ARHGAP25: variants seen among roughly 807,000 people sequenced by gnomAD.
The protein encoded by ARHGAP25 is rho GTPase-activating protein 25.
A neutral mutation model predicts 71.0 loss-of-function variants in ARHGAP25; 34 were observed. That is an observed-to-expected ratio of 0.48 (90% CI 0.36 to 0.64). The LOEUF (loss-of-function observed/expected upper bound fraction) is 0.64. Among genes scored for constraint, ARHGAP25 ranks in the 30% least tolerant of loss-of-function variants. The probability of loss-of-function intolerance (pLI) is 0.00; values close to 1 mark genes in which losing one functional copy is unlikely to be tolerated. For missense variants in ARHGAP25, 706 were observed against 805.1 expected, an observed-to-expected ratio of 0.88 and a Z score of 1.49; for synonymous variants, 282 against 296.5, an observed-to-expected ratio of 0.95 and a Z score of 0.50.
At position 68,822,678 on chromosome 2, in the gene ARHGAP25, T is replaced by G. The variant is rs1156641434; in HGVS notation, c.1539T>G (p.Pro513=). The change falls in exon 10 of 11, where the codon CCT becomes CCG. Residue 513 remains proline, a synonymous_variant. Transcript: ENST00000409202. ...ACGTCCCTTCCCTGCCAGGGTCCCC[T>G]GGGGAGGAAGCCAGTGCACTCTCTT... is the stretch of plus-strand genomic sequence containing the variant. ...YDNVPSLPGS[P]GEEASALSSQ... is the part of the protein sequence containing the mutation. 1.9e-6 allele frequency: 3 copies of G among 1,614,070 alleles called. No homozygotes were observed. The highest frequency in any genetic ancestry group is 1.7e-5 in the Admixed American group (1 of 60,024).
At chr2:68,821,935 G>A in intron 9 of ARHGAP25, among the ~76,000 whole-genome samples, 1 of 95,310 alleles carries the variant, frequency 1.0e-5, no homozygotes. Context: ...TTTTGGTTTG[G>A]CATGTGGTGA....
In ARHGAP25 at chr2:68,718,024, T is replaced by C. The variant is rs554064535; in HGVS notation, c.-18+7326T>C. Among the ~76,000 whole-genome samples, 6 of 152,272 alleles carry C rather than the reference T, an allele frequency of 3.9e-5. No individual in the cohort carries two copies. In the South Asian group the frequency reaches 1.0e-3, roughly 26 times the overall value. Reference sequence around the variant, plus strand: ...TTAGCTGGGCAACAGATAATTCACTTGGTGGGAGTAGAAGTAAATGGTGTA... The same window carrying C: ...TTAGCTGGGCAACAGATAATTCACTCGGTGGGAGTAGAAGTAAATGGTGTA... On this transcript the variant is annotated intron_variant and NMD_transcript_variant, in intron 2 of 7. Coordinates refer to the ARHGAP25 transcript ENST00000463483.
chr2:68,774,965 G>T, intron 1 of ARHGAP25: 1 of 1,425,760 alleles, frequency 7.0e-7, no homozygotes, highest in Non-Finnish European at 9.1e-7. Context: ...CCGCGGTGCC[G>T]GACTGCCTGT....
chr2:68,757,002 G>A (rs1382037467), intron 1 of ARHGAP25, among the ~76,000 whole-genome samples: 1 of 152,094 alleles, frequency 6.6e-6, no homozygotes, highest in African/African-American at 2.4e-5. Context: ...AAATGCGGGA[G>A]CTGAAAAGTA....
rs551149704 is a variant in ARHGAP25, at chr2:68,803,360, C to T, written c.467-3913C>T. On this transcript the variant is annotated intron_variant, in intron 4 of 10. Transcript: ENST00000409202. ...GTGTGGAATGAACATTAGGAGAGCACTAGAAATCTTAGTGAGCAGATTTAG... is the reference window on the plus strand; with the variant it reads ...GTGTGGAATGAACATTAGGAGAGCATTAGAAATCTTAGTGAGCAGATTTAG... 4.6e-5 allele frequency among the ~76,000 whole-genome samples: 7 copies of T among 152,246 alleles called. No homozygotes were observed. In the South Asian group the frequency reaches 1.2e-3, roughly 27 times the overall value.
intron 10 of ARHGAP25, among the ~76,000 whole-genome samples, chr2:68,824,186 C>A (rs1352913380): frequency 6.6e-6 from 1 of 152,208 alleles, no homozygotes; most frequent in African/African-American, 2.4e-5. Flanking sequence ...GTGATCAAAG[C>A]AGTCCCATAG....
chr2:68,726,395 G>T (rs534906687), intron 2 of ARHGAP25, among the ~76,000 whole-genome samples: 4 of 152,214 alleles, frequency 2.6e-5, no homozygotes, highest in South Asian at 2.1e-4. Context: ...GAGGTGTTAC[G>T]TGAGGGACAT....
chr2:68,807,139 T>C (rs1337003504), intron 4 of ARHGAP25, 134 bp from the exon 5 acceptor site: 2 of 782,780 alleles, frequency 2.6e-6, no homozygotes, highest in Non-Finnish European at 4.3e-6. Context: ...ATATTCTGAG[T>C]GATTTATCTC....
chr2:68,722,051 C>T (rs1233019531), intron 2 of ARHGAP25, among the ~76,000 whole-genome samples: 1 of 152,214 alleles, frequency 6.6e-6, no homozygotes, highest in African/African-American at 2.4e-5. Flanking sequence ...CTCAGCACCT[C>T]AGCATGCAGT....
At chr2:68,726,378 C>A (rs1229404177) in intron 2 of ARHGAP25, among the ~76,000 whole-genome samples, 1 of 152,200 alleles carries the variant, frequency 6.6e-6, no homozygotes, top group Admixed American at 6.5e-5. Context: ...AGAACAATGG[C>A]CAAAAGGAGG....
intron 2 of ARHGAP25, among the ~76,000 whole-genome samples, chr2:68,720,410 ACTT>A (rs1040559760): frequency 2.0e-4 from 30 of 152,172 alleles, no homozygotes; most frequent in African/African-American, 6.3e-4. Flanking sequence ...ACAGAGATTA[ACTT>A]CTTCTTAATT....
At chr2:68,782,146 C>T in intron 2 of ARHGAP25, 87 bp from the exon 3 acceptor site, 1 of 1,173,732 alleles carries the variant, frequency 8.5e-7, no homozygotes, top group Non-Finnish European at 1.3e-6. Flanking sequence ...CCTCCCCATC[C>T]CATCATTATC....
At chr2:68,738,264 G>A (rs1486490266) in intron 1 of ARHGAP25, among the ~76,000 whole-genome samples, 1 of 152,120 alleles carries the variant, frequency 6.6e-6, no homozygotes, top group African/African-American at 2.4e-5. Context: ...CAGACTTTCT[G>A]GACCTCCAGC....
chr2:68,719,454 C>A (rs563015963), intron 2 of ARHGAP25, among the ~76,000 whole-genome samples: 41 of 151,196 alleles, frequency 2.7e-4, no homozygotes, highest in African/African-American at 8.7e-4. Context: ...GAAAAAAAAC[C>A]CCACAAAACA....
At chr2:68,757,470 G>C (rs1192444803) in intron 1 of ARHGAP25, among the ~76,000 whole-genome samples, 1 of 152,184 alleles carries the variant, frequency 6.6e-6, no homozygotes, top group Non-Finnish European at 1.5e-5. Flanking sequence ...TTTATCGTCA[G>C]AAACTTTGAA....
chr2:68,715,403 C>A (rs901085260), intron 2 of ARHGAP25, among the ~76,000 whole-genome samples: 13 of 151,722 alleles, frequency 8.6e-5, no homozygotes, highest in African/African-American at 2.2e-4. Flanking sequence ...AACACCACCA[C>A]CAACAACAAC....
chr2:68,811,350 G>A (rs1175819739), intron 5 of ARHGAP25, among the ~76,000 whole-genome samples: 4 of 152,198 alleles, frequency 2.6e-5, no homozygotes, highest in Non-Finnish European at 5.9e-5. Flanking sequence ...GGGACTTTAG[G>A]AAGATGCAAC....
chr2:68,746,558 C>T (rs957472490), intron 1 of ARHGAP25, among the ~76,000 whole-genome samples: 4 of 152,140 alleles, frequency 2.6e-5, no homozygotes, highest in African/African-American at 4.8e-5. Context: ...TTTCTGCAGA[C>T]GGTTGATTGC....
At position 68,767,593 on chromosome 2, in the gene ARHGAP25, T is replaced by A. The variant is rs1224161777; in HGVS notation, c.62-7628T>A. On this transcript the variant is annotated intron_variant, in intron 1 of 10. Coordinates refer to ENST00000409202, the MANE Select transcript of ARHGAP25 (RefSeq NM_001007231.3). The surrounding 1 kb of genome is among the most constrained non-coding windows in gnomAD (Gnocchi z 4.6). ...GCCTGACTGCCGGCCCACGGTAGCT[T>A]AGCTCACTCTCTCTCCCTCCCATGC... Among the ~76,000 whole-genome samples the A allele has an allele frequency of 1.3e-5, 2 of 152,116 alleles. No homozygotes were observed. The highest frequency in any genetic ancestry group is 4.8e-5 in the African/African-American group (2 of 41,406).
Sources: gnomAD v4.1 joint callset for allele counts (sites outside exome capture counted in the v4.1 genomes callset) on GRCh38, gnomAD v4.1.1 for gene constraint, Gnocchi (gnomAD v3.1) non-coding constraint, MANE v1.5 for transcripts, NCBI Gene and HGNC (gene_info 2026-07-23, HGNC 2026-07-21) for gene names.